HERC1: variants seen among roughly 807,000 people sequenced by gnomAD.
HERC1 encodes HECT and RLD domain containing E3 ubiquitin protein ligase family member 1, also known as probable E3 ubiquitin-protein ligase HERC1.
HERC1 carries 160 observed loss-of-function variants against 554.3 expected under a neutral mutation model. The observed-to-expected ratio is 0.29, with a 90% CI of 0.25 to 0.33. The LOEUF is 0.33. Ranked by LOEUF, HERC1 falls within the 10% of genes least tolerant of loss-of-function variation. The probability of loss-of-function intolerance (pLI) is 1.00; values close to 1 mark genes in which losing one functional copy is unlikely to be tolerated. For missense variants in HERC1, 4,919 were observed against 5,918.5 expected (o/e 0.83, Z 5.54); for synonymous variants, 2,175 against 2,131.7 (o/e 1.02, Z -0.56).
Position 63,624,230 on chromosome 15 carries a change from C to T in HERC1, c.13373G>A (p.Arg4458His), listed in dbSNP as rs372316431. The T allele has an allele frequency of 1.4e-5, 22 of 1,613,646 alleles. No individual in the cohort carries two copies. The highest frequency in any genetic ancestry group is 2.2e-5 in the South Asian group (2 of 91,076). ...TTGAACCATGGTTTTTCCTATGGAGCGCACCATTGGCAGAGTGTAGACTCT... is the reference window on the plus strand; with the variant it reads ...TTGAACCATGGTTTTTCCTATGGAGTGCACCATTGGCAGAGTGTAGACTCT... ...APRVYTLPMV[R>H]SIGKTMVQGK... Residue 4458 changes from arginine (R) to histidine (H), a missense_variant, in exon 72 of 78, where the codon CGC (arginine) becomes CAC (histidine). By Grantham distance (29) the Arg-to-His change is conservative (BLOSUM62 0). This residue lies in a region of HERC1 where 410 missense variants were observed against 467.0 expected (regional missense o/e 0.88). Coordinates refer to ENST00000443617, the MANE Select transcript of HERC1 (RefSeq NM_003922.4).
At chr15:63,826,805 AAAAAAAAAAATATATATAT>A (rs1180100294) in intron 1 of HERC1, among the ~76,000 whole-genome samples, 11 of 73,578 alleles carry the variant, frequency 1.5e-4, no homozygotes, top group Non-Finnish European at 2.7e-4. Context: ...AAAAAAAAAA[AAAAAAAAAAATATATATAT>A]ATATATATAT....
intron 34 of HERC1, among the ~76,000 whole-genome samples, chr15:63,681,169 A>G (rs2899695): frequency 0.16 from 24,084 of 151,934 alleles, 2,175 homozygotes; most frequent in Middle Eastern, 0.21. Context: ...GCCTGAGACT[A>G]GGTGTATTGT....
chr15:63,788,759 A>C (rs150097513), intron 1 of HERC1, among the ~76,000 whole-genome samples: 5,587 of 152,072 alleles, frequency 0.037, 167 homozygotes, highest in African/African-American at 0.086. Context: ...TCTACTAAAA[A>C]TACAAAAATT....
At chr15:63,763,919 G>A (rs1301098263) in intron 3 of HERC1, among the ~76,000 whole-genome samples, 177 bp downstream of exon 3, 3 of 152,006 alleles carry the variant, frequency 2.0e-5, no homozygotes, top group South Asian at 2.1e-4. Flanking sequence ...TGAAAAGAAT[G>A]TCTCCTACTC....
intron 21 of HERC1, 35 bp from the exon 22 acceptor site, chr15:63,716,508 T>A (rs1290562912): frequency 6.6e-7 from 1 of 1,505,142 alleles, no homozygotes. Flanking sequence ...ACTAAATACA[T>A]TTTTTCCAAA....
At chr15:63,813,356 G>A (rs948433527) in intron 1 of HERC1, among the ~76,000 whole-genome samples, 1 of 143,046 alleles carries the variant, frequency 7.0e-6, no homozygotes, top group Non-Finnish European at 1.5e-5. Context: ...ACACAAACTC[G>A]TAAGTACACA....
Position 63,694,903 on chromosome 15 carries a change from C to A in HERC1, c.5122-9G>T. 6.2e-7 allele frequency: 1 copy of A among 1,605,064 alleles called. No individual in the cohort carries two copies. Among genetic ancestry groups the A allele is most frequent in the Admixed American group, 1.7e-5 (1 of 57,868 alleles). ...GCTGCTCTGATCCCATCCTGAATTA[C>A]ACATAAAGAATTACTTTTTCTATTA... On this transcript the variant is annotated splice_polypyrimidine_tract_variant and intron_variant, in intron 27 of 77. Coordinates refer to ENST00000443617, the MANE Select transcript of HERC1 (RefSeq NM_003922.4). The surrounding 1 kb of genome is among the most constrained non-coding windows in gnomAD (Gnocchi z 4.3).
At chr15:63,739,134 C>A (rs1370081188) in intron 12 of HERC1, among the ~76,000 whole-genome samples, 5 of 151,372 alleles carry the variant, frequency 3.3e-5, no homozygotes, top group Non-Finnish European at 5.9e-5. Context: ...AGAAAAAAAG[C>A]CGTGTGCCCA....
rs2074402227 is a variant in HERC1 at position 63,734,021 on chromosome 15, G to A, written c.2646+703C>T. ...CTATAAAAATAAGAAAAAAAAATTAGCCGGGTGTGGTGGCACGTGCCAGCA... is the reference window on the plus strand; with the variant it reads ...CTATAAAAATAAGAAAAAAAAATTAACCGGGTGTGGTGGCACGTGCCAGCA... On this transcript the variant is annotated intron_variant, in intron 13 of 77. Coordinates refer to ENST00000443617, the MANE Select transcript of HERC1 (RefSeq NM_003922.4). This position sits in a 1 kb window ranked among gnomAD's most constrained non-coding sequence, Gnocchi z 4.6. Among the ~76,000 whole-genome samples, 3 of 151,926 alleles carry A rather than the reference G, an allele frequency of 2.0e-5. No homozygotes were observed.
At chr15:63,676,005 G>A (rs2071183825) in intron 37 of HERC1, among the ~76,000 whole-genome samples, 1 of 150,854 alleles carries the variant, frequency 6.6e-6, no homozygotes, top group Non-Finnish European at 1.5e-5. Flanking sequence ...CTGAGTTCAA[G>A]AGATTCTCCT....
intron 60 of HERC1, 130 bp from the exon 61 acceptor site, chr15:63,640,575 AT>A: frequency 5.1e-6 from 4 of 783,700 alleles, no homozygotes; most frequent in Non-Finnish European, 8.0e-6. Flanking sequence ...CTAGGAAATA[AT>A]TTTAGATTTA....
chr15:63,756,894 T>C lies in HERC1; in HGVS notation c.1222-146A>G. ...AGAGAGATTAAGGAATATACAGAAA[T>C]CTAAGAGAACACGAATGGCCTTTTC... On this transcript the variant is annotated intron_variant, in intron 4 of 77. Transcript: ENST00000443617. The surrounding 1 kb of genome is among the most constrained non-coding windows in gnomAD (Gnocchi z 5.0). 1.7e-6 allele frequency: 1 copy of C among 580,782 alleles called. No homozygotes were observed. The highest frequency in any genetic ancestry group is 3.0e-6 in the Non-Finnish European group (1 of 337,810). The allele number at this position is 580,782 out of a possible 1,614,324, so 36.0% of individuals were successfully genotyped here.
intron 3 of HERC1, among the ~76,000 whole-genome samples, chr15:63,763,141 T>C (rs1317349103): frequency 6.6e-6 from 1 of 152,164 alleles, no homozygotes; most frequent in Non-Finnish European, 1.5e-5. Context: ...CAAACTGTCT[T>C]TTTCTCAATC....
intron 1 of HERC1, among the ~76,000 whole-genome samples, chr15:63,833,355 C>T (rs1354768251): frequency 6.6e-6 from 1 of 152,126 alleles, no homozygotes; most frequent in South Asian, 2.1e-4. Context: ...CGGCCGGCGC[C>T]TGGGGACACC....
At chr15:63,716,580 T>A in intron 21 of HERC1, 107 bp from the exon 22 acceptor site, 1 of 880,326 alleles carries the variant, frequency 1.1e-6, no homozygotes, top group South Asian at 2.0e-5. Context: ...TTGATATCAG[T>A]AATAACACAT....
intron 47 of HERC1, among the ~76,000 whole-genome samples, chr15:63,659,167 C>A (rs1411818532): frequency 2.6e-5 from 4 of 152,144 alleles, no homozygotes; most frequent in African/African-American, 9.7e-5. Flanking sequence ...ACAGGATTCT[C>A]TTAACACCAA....
intron 1 of HERC1, among the ~76,000 whole-genome samples, chr15:63,779,223 CTTTCT>C (rs2076206785): frequency 6.6e-6 from 1 of 151,948 alleles, no homozygotes; most frequent in African/African-American, 2.4e-5. Flanking sequence ...TGCAAGAAAA[CTTTCT>C]AAAATAGAAA....
chr15:63,689,533 G>A, intron 33 of HERC1, 56 bp downstream of exon 33: 1 of 937,484 alleles, frequency 1.1e-6, no homozygotes, highest in South Asian at 1.6e-5. Flanking sequence ...TCAGAGACAA[G>A]TGACAGAATA....
intron 22 of HERC1, 47 bp from the exon 23 acceptor site, chr15:63,713,712 A>C (rs1433266400): frequency 6.7e-7 from 1 of 1,487,218 alleles, no homozygotes; most frequent in East Asian, 2.4e-5. Flanking sequence ...TGGGGAGAGA[A>C]GAGCAAAGAA....
Sources: gnomAD v4.1 joint callset for allele counts (sites outside exome capture counted in the v4.1 genomes callset) on GRCh38, gnomAD v4.1.1 for gene constraint, gnomAD v4.1.1 regional missense constraint, Gnocchi (gnomAD v3.1) non-coding constraint, MANE v1.5 for transcripts, NCBI Gene and HGNC (gene_info 2026-07-23, HGNC 2026-07-21) for gene names.